NIPBL: variants seen among roughly 807,000 people sequenced by gnomAD.
NIPBL encodes nipped-B-like protein.
NIPBL carries 19 observed loss-of-function variants against 321.8 expected under a neutral mutation model. The observed-to-expected ratio is 0.06, with a 90% CI of 0.04 to 0.09. The LOEUF (loss-of-function observed/expected upper bound fraction) is 0.09. NIPBL is among the 10% of genes least tolerant of loss of function. The pLI is 1.00. For missense variants in NIPBL, 2,210 were observed against 3,327.0 expected, an observed-to-expected ratio of 0.66 and a Z score of 8.26; for synonymous variants, 1,106 against 1,114.1, an observed-to-expected ratio of 0.99 and a Z score of 0.14.
At chr5:36,880,479 G>A (rs776919135) in intron 1 of NIPBL, among the ~76,000 whole-genome samples, 13 of 152,038 alleles carry the variant, frequency 8.6e-5, no homozygotes, top group Non-Finnish European at 1.8e-4. Context: ...TATGTGAAGT[G>A]ATTAGGGAGT....
intron 32 of NIPBL, among the ~76,000 whole-genome samples, 185 bp from the exon 33 acceptor site, chr5:37,036,194 T>C (rs955049063): frequency 2.0e-5 from 3 of 151,650 alleles, no homozygotes; most frequent in Non-Finnish European, 4.4e-5. Context: ...TAAACATATA[T>C]ATTTTTGTTT....
At chr5:36,958,520 A>T (rs951900930) in intron 4 of NIPBL, among the ~76,000 whole-genome samples, 2 of 152,196 alleles carry the variant, frequency 1.3e-5, no homozygotes, top group African/African-American at 4.8e-5. Flanking sequence ...AATTTGAAAT[A>T]AGTCTTTCAT....
intron 1 of NIPBL, among the ~76,000 whole-genome samples, chr5:36,893,436 T>G (rs1746497006): frequency 6.6e-6 from 1 of 152,106 alleles, no homozygotes; most frequent in South Asian, 2.1e-4. Context: ...CTTAAACAAA[T>G]GTACTTCATT....
At chr5:36,998,629 T>C (rs541245227) in intron 11 of NIPBL, among the ~76,000 whole-genome samples, 1 of 152,094 alleles carries the variant, frequency 6.6e-6, no homozygotes, top group African/African-American at 2.4e-5. Context: ...CTGAGCAACA[T>C]AGCAAGACCC....
At chr5:36,963,842 A>G (rs952816229) in intron 6 of NIPBL, among the ~76,000 whole-genome samples, 1 of 152,140 alleles carries the variant, frequency 6.6e-6, no homozygotes, top group African/African-American at 2.4e-5. Context: ...AGTGCCAAAC[A>G]TACATATCTA....
chr5:36,904,338 C>T (rs1298185435), intron 1 of NIPBL, among the ~76,000 whole-genome samples: 4 of 152,110 alleles, frequency 2.6e-5, no homozygotes, highest in Non-Finnish European at 4.4e-5. Flanking sequence ...GGCATGGTGG[C>T]GTGTGCCTGT....
At chr5:37,010,463 G>A (rs189187542) in intron 21 of NIPBL, among the ~76,000 whole-genome samples, 61 of 152,108 alleles carry the variant, frequency 4.0e-4, no homozygotes, top group East Asian at 9.7e-4. Context: ...TTACAGGCAC[G>A]CACCACCACG....
intron 10 of NIPBL, among the ~76,000 whole-genome samples, chr5:36,987,472 A>G (rs1367486810): frequency 6.6e-6 from 1 of 152,192 alleles, no homozygotes; most frequent in Non-Finnish European, 1.5e-5. Context: ...ACTGCAGTGT[A>G]TTAGGAGATA....
chr5:36,966,278 A>G (rs1047555027), intron 6 of NIPBL, among the ~76,000 whole-genome samples: 7 of 152,106 alleles, frequency 4.6e-5, no homozygotes, highest in African/African-American at 1.7e-4. Context: ...GTTTTTGAAG[A>G]GTTTGGCTAC....
intron 10 of NIPBL, among the ~76,000 whole-genome samples, chr5:36,991,100 T>C (rs573661588): frequency 7.6e-4 from 115 of 152,220 alleles, no homozygotes; most frequent in African/African-American, 2.7e-3. Flanking sequence ...TTTTTTAATA[T>C]GGATCTCTCT....
At chr5:36,947,476 T>C (rs992496114) in intron 1 of NIPBL, among the ~76,000 whole-genome samples, 4 of 152,038 alleles carry the variant, frequency 2.6e-5, no homozygotes, top group Non-Finnish European at 4.4e-5. Context: ...GAAAAAGATA[T>C]CAACATTATG....
chr5:37,007,971 T>G (rs1189339762), intron 18 of NIPBL, 37 bp from the exon 19 acceptor site: 2 of 1,160,234 alleles, frequency 1.7e-6, no homozygotes, highest in Non-Finnish European at 2.6e-6. Flanking sequence ...TGAAATCAAC[T>G]AAAGGTGTAT....
chr5:36,977,269 G>T (rs918119409), intron 9 of NIPBL, among the ~76,000 whole-genome samples: 2 of 151,830 alleles, frequency 1.3e-5, no homozygotes, highest in African/African-American at 4.8e-5. Context: ...AATATTTTAG[G>T]TTGATTTTCA....
chr5:37,046,179 C>A lies in NIPBL; in HGVS notation c.6569C>A (p.Thr2190Lys). The change falls in exon 38 of 47, where the codon ACA becomes AAA. Residue 2190 changes from threonine (T) to lysine (K), a missense_variant. Thr to Lys is a moderately conservative substitution (Grantham distance 78). Around this residue, in one of 14 missense-constraint regions of NIPBL, gnomAD observed 40 missense variants for 55.3 expected, o/e 0.72. Coordinates refer to ENST00000282516, the MANE Select transcript of NIPBL (RefSeq NM_133433.4). ...AAACACTCAGATGAAGAAGTACAAA[C>A]AAAAGCTATCATTGGTCTAGGTAAG... ...FTKHSDEEVQ[T>K]KAIIGLGFAF... 6.4e-7 allele frequency: 1 copy of A among 1,565,964 alleles called. No individual in the cohort carries two copies. Among genetic ancestry groups the A allele is most frequent in the Non-Finnish European group, 8.8e-7 (1 of 1,136,546 alleles).
chr5:36,993,463 AG>A (rs1186446705), intron 10 of NIPBL, among the ~76,000 whole-genome samples: 2 of 152,190 alleles, frequency 1.3e-5, no homozygotes, highest in African/African-American at 4.8e-5. Flanking sequence ...GGCTATTGTG[AG>A]TAATTTTTTT....
In NIPBL at chr5:36,991,498, A is replaced by T. The variant is rs539208950; in HGVS notation, c.3122-4124A>T. On this transcript the variant is annotated intron_variant, in intron 10 of 46. Coordinates refer to ENST00000282516, the MANE Select transcript of NIPBL (RefSeq NM_133433.4). ...TTTAAAGATATTACTGCCACAATTT[A>T]TTTTTCTCACCGTGTATACATATCA... Among the ~76,000 whole-genome samples, 4 of 152,120 alleles carry T rather than the reference A, an allele frequency of 2.6e-5. No homozygotes were observed. In the East Asian group the frequency reaches 7.7e-4, roughly 29 times the overall value.
At chr5:37,056,820 ACTT>A (rs1364224970) in intron 42 of NIPBL, among the ~76,000 whole-genome samples, 5 of 152,170 alleles carry the variant, frequency 3.3e-5, no homozygotes, top group African/African-American at 1.2e-4. Context: ...CTCTAAGAAA[ACTT>A]CAAGGAATTT....
chr5:37,052,186 G>C lies in NIPBL; in HGVS notation c.7063-180G>C, dbSNP rs996483746. On this transcript the variant is annotated intron_variant, in intron 41 of 46. Transcript: ENST00000282516. ...GGGCCTCATTTTTTTTTTCTTCTTT[G>C]AAATGAGGGAATTGTAAGAGATAAT... Among the ~76,000 whole-genome samples, 14 of 150,564 alleles carry C rather than the reference G, an allele frequency of 9.3e-5. 1 individual carries two copies. Among genetic ancestry groups the C allele is most frequent in the Non-Finnish European group, 1.6e-4 (11 of 67,656 alleles).
chr5:36,990,769 G>T (rs921023604), intron 10 of NIPBL, among the ~76,000 whole-genome samples: 33 of 152,080 alleles, frequency 2.2e-4, no homozygotes, highest in Non-Finnish European at 5.9e-5. Context: ...AATGCATTAA[G>T]TAGAAACCTT....
Sources: allele counts gnomAD v4.1 joint callset (sites outside exome capture counted in the v4.1 genomes callset), GRCh38; gene constraint gnomAD v4.1.1; regional missense constraint gnomAD v4.1.1; transcripts MANE v1.5; gene names NCBI Gene and HGNC (gene_info 2026-07-23, HGNC 2026-07-21).